MRE11: variants seen among roughly 807,000 people sequenced by gnomAD.
The protein encoded by MRE11 is MRE11 double strand break repair nuclease.
A neutral mutation model predicts 91.7 loss-of-function variants in MRE11; 62 were observed. The observed-to-expected ratio is 0.68, with a 90% CI of 0.55 to 0.84. The LOEUF is 0.84. MRE11 is among the 40% of genes least tolerant of loss of function. MRE11 has a pLI of 0.00. For synonymous variants in MRE11, 273 were observed against 271.4 expected (o/e 1.01, Z -0.06); for missense variants, 796 against 852.9 (o/e 0.93, Z 0.83).
rs1329286592 is a variant in MRE11 at position 94,435,839 on chromosome 11, C to T, written c.1987G>A (p.Asp663Asn). ...GAAAATCACTGCACCTACCTTTGAT[C>T]TGTCTTTGAAGTGGTAGGAAAAATG... ...EDIFPTTSKT[D>N]QRWSSTSSSK... Residue 663 changes from aspartate (D) to asparagine (N), a missense_variant, in exon 18 of 20, where the codon GAT becomes AAT. By Grantham distance (23) the Asp-to-Asn change is conservative. Coordinates refer to ENST00000323929, the MANE Select transcript of MRE11 (RefSeq NM_005591.4). The T allele has an allele frequency of 1.9e-6, 3 of 1,612,794 alleles. No homozygotes were observed. Among genetic ancestry groups the T allele is most frequent in the Admixed American group, 1.7e-5 (1 of 59,994 alleles).
chr11:94,431,326 C>A (rs1945457441), intron 18 of MRE11, among the ~76,000 whole-genome samples: 2 of 152,096 alleles, frequency 1.3e-5, no homozygotes, highest in African/African-American at 4.8e-5. Flanking sequence ...TGGTAAGTGG[C>A]AGAGCTTAAA....
chr11:94,420,770 C>T (rs1018382459), intron 19 of MRE11, among the ~76,000 whole-genome samples: 7 of 152,066 alleles, frequency 4.6e-5, no homozygotes, highest in Non-Finnish European at 7.4e-5. Context: ...CGGTGGCTCA[C>T]GCCTGTAATC....
At chr11:94,490,594 C>A (rs1947259656) in intron 3 of MRE11, among the ~76,000 whole-genome samples, 1 of 152,208 alleles carries the variant, frequency 6.6e-6, no homozygotes, top group East Asian at 1.9e-4. Context: ...CAGGATCCTG[C>A]ATTCAGTAAA....
At chr11:94,464,512 A>T (rs772647699) in intron 10 of MRE11, among the ~76,000 whole-genome samples, 8 of 152,236 alleles carry the variant, frequency 5.3e-5, no homozygotes, top group Non-Finnish European at 8.8e-5. Flanking sequence ...TCTCCCCCTG[A>T]TAACACTAAT....
intron 4 of MRE11, among the ~76,000 whole-genome samples, chr11:94,482,315 A>G (rs1427651860): frequency 6.6e-6 from 1 of 152,206 alleles, no homozygotes; most frequent in Non-Finnish European, 1.5e-5. Context: ...CAACTACTAA[A>G]TGACAGAACC....
intron 16 of MRE11, among the ~76,000 whole-genome samples, chr11:94,438,850 G>A (rs765903134): frequency 1.6e-4 from 24 of 152,186 alleles, no homozygotes; most frequent in Non-Finnish European, 2.8e-4. Context: ...AAACTGCTGA[G>A]AGGGTAAGAG....
At chr11:94,489,431 G>A (rs1186018536) in intron 3 of MRE11, among the ~76,000 whole-genome samples, 1 of 152,118 alleles carries the variant, frequency 6.6e-6, no homozygotes, top group African/African-American at 2.4e-5. Context: ...TTCAATGGAA[G>A]GACACTTGGA....
chr11:94,458,471 TA>T (rs1946321654), intron 13 of MRE11, among the ~76,000 whole-genome samples: 1 of 152,212 alleles, frequency 6.6e-6, no homozygotes, highest in African/African-American at 2.4e-5. Flanking sequence ...TGTAAAATTT[TA>T]TATGGTATAT....
chr11:94,418,871 C>T lies in MRE11; in HGVS notation c.*1254G>A, dbSNP rs1019259246. The T allele has an allele frequency of 2.2e-5, 5 of 230,916 alleles. No individual in the cohort carries two copies. Among genetic ancestry groups the T allele is most frequent in the African/African-American group, 4.4e-5 (2 of 45,212 alleles). The allele number at this position is 230,916 out of a possible 1,614,324, so 14.3% of individuals were successfully genotyped here. A position where few individuals can be genotyped will look rare whatever the true frequency, so the allele number is the denominator to read the frequency against. On this transcript the variant is annotated 3_prime_UTR_variant, in exon 20 of 20. Transcript: ENST00000323929. ...GCCTCTTCAAAAGTGCTATATGAGG[C>T]AGCCACTAACCAAGTGTCTGTCTCT...
In MRE11 at chr11:94,418,303, C is replaced by T. The variant is rs1945077596; in HGVS notation, c.*1822G>A. Reference sequence around the variant, plus strand: ...GAATTAGCTGGAGAGATTTATCACCCTCTGTAACTGCTATGTCATCACTTT... The same window carrying T: ...GAATTAGCTGGAGAGATTTATCACCTTCTGTAACTGCTATGTCATCACTTT... On this transcript the variant is annotated 3_prime_UTR_variant, in exon 20 of 20. Transcript: ENST00000323929. 8.6e-6 allele frequency: 2 copies of T among 233,166 alleles called. No homozygotes were observed. Among genetic ancestry groups the T allele is most frequent in the South Asian group, 3.6e-4 (2 of 5,528 alleles). The allele number at this position is 233,166 out of a possible 1,614,324, so 14.4% of individuals were successfully genotyped here.
intron 16 of MRE11, among the ~76,000 whole-genome samples, chr11:94,441,871 G>C (rs545424592): frequency 3.3e-5 from 5 of 151,360 alleles, no homozygotes; most frequent in Admixed American, 6.6e-5. Context: ...CAGCGACTCG[G>C]GAGGCTAAGA....
rs977057421 is a variant in MRE11, at chr11:94,472,575, T to C, written c.660-816A>G. On this transcript the variant is annotated intron_variant, in intron 7 of 19. Transcript: ENST00000323929. ...TAGTGTGGGAAACAAGCAATGCAGG[T>C]TGAGTCCCTAATCTGAAAATCCAAA... Among the ~76,000 whole-genome samples the C allele has an allele frequency of 2.6e-5, 4 of 152,056 alleles. No individual in the cohort carries two copies. In the East Asian group the frequency reaches 7.7e-4, roughly 29 times the overall value.
chr11:94,426,099 C>A (rs1014470978), intron 19 of MRE11, among the ~76,000 whole-genome samples: 4 of 151,986 alleles, frequency 2.6e-5, no homozygotes, highest in Admixed American at 2.6e-4. Context: ...TAAATAAATT[C>A]AAAAAAATCA....
At chr11:94,459,885 C>T (rs1946369763) in intron 12 of MRE11, among the ~76,000 whole-genome samples, 2 of 152,064 alleles carry the variant, frequency 1.3e-5, no homozygotes, top group African/African-American at 2.4e-5. Flanking sequence ...TAAAGATGTC[C>T]ACGTCTTAAA....
At chr11:94,511,229 A>G in the MRE11 span, among the ~76,000 whole-genome samples, 5 of 152,206 alleles carry the variant, frequency 3.3e-5, no homozygotes, top group South Asian at 2.1e-4. Context: ...ACAGAGAGAA[A>G]GAAAGAGAGA....
At position 94,457,642 on chromosome 11, in the gene MRE11, T is replaced by C. The variant is rs541603841; in HGVS notation, c.1501-1304A>G. Among the ~76,000 whole-genome samples, 195 of 152,198 alleles carry C rather than the reference T, an allele frequency of 1.3e-3. 2 individuals are homozygous for C. The highest frequency in any genetic ancestry group is 3.3e-3 in the Admixed American group (50 of 15,290). Reference sequence around the variant, plus strand: ...GGGAACACTGAACAGGCACTATGTGTCAGACAGTATTCTAAGGATTTTACA... The same window carrying C: ...GGGAACACTGAACAGGCACTATGTGCCAGACAGTATTCTAAGGATTTTACA... On this transcript the variant is annotated intron_variant, in intron 13 of 19. Transcript: ENST00000323929.
At chr11:94,462,260 T>A (rs1946440229) in intron 11 of MRE11, among the ~76,000 whole-genome samples, 2 of 152,082 alleles carry the variant, frequency 1.3e-5, no homozygotes, top group African/African-American at 4.8e-5. Context: ...TACAAACCAC[T>A]GCTCAACGAA....
chr11:94,446,402 G>A (rs1410873877), intron 15 of MRE11, among the ~76,000 whole-genome samples: 1 of 152,050 alleles, frequency 6.6e-6, no homozygotes, highest in East Asian at 1.9e-4. Flanking sequence ...GCAAAGACAA[G>A]ACTCCATCTC....
At chr11:94,507,365 A>G in the MRE11 span, among the ~76,000 whole-genome samples, 7 of 152,186 alleles carry the variant, frequency 4.6e-5, no homozygotes, top group African/African-American at 1.4e-4. Context: ...TATACATGAT[A>G]TTGTTAACTT....
Sources: gnomAD v4.1 joint callset for allele counts (sites outside exome capture counted in the v4.1 genomes callset) on GRCh38, gnomAD v4.1.1 for gene constraint, MANE v1.5 for transcripts, NCBI Gene and HGNC (gene_info 2026-07-23, HGNC 2026-07-21) for gene names.